The following KCNH1 variants were observed in gnomAD, a reference collection of about 807,000 sequenced individuals.
KCNH1 encodes the protein voltage-gated delayed rectifier potassium channel KCNH1.
A neutral mutation model predicts 69.2 loss-of-function variants in KCNH1; 27 were observed. That is an observed-to-expected ratio of 0.39 (90% CI 0.29 to 0.54). The LOEUF is 0.54. KCNH1 is among the 20% of genes least tolerant of loss of function. The pLI, the probability that KCNH1 is intolerant of heterozygous loss-of-function variation, is 0.68. For missense variants in KCNH1, 798 were observed against 1,261.6 expected, an observed-to-expected ratio of 0.63 and a Z score of 5.57; for synonymous variants, 456 against 487.7, an observed-to-expected ratio of 0.93 and a Z score of 0.86.
intron 9 of KCNH1, among the ~76,000 whole-genome samples, chr1:210,789,366 T>C (rs1684171041): frequency 1.3e-5 from 2 of 152,230 alleles, no homozygotes; most frequent in African/African-American, 2.4e-5. Context: ...CTTTAGATCT[T>C]TGTCAGATAA....
chr1:210,927,905 T>C (rs1687605551), intron 6 of KCNH1, among the ~76,000 whole-genome samples: 1 of 151,314 alleles, frequency 6.6e-6, no homozygotes, highest in Non-Finnish European at 1.5e-5. Flanking sequence ...TGAGCAGGAG[T>C]GGCTATTCTT....
chr1:210,784,435 G>A (rs978733845), intron 9 of KCNH1, among the ~76,000 whole-genome samples: 2 of 152,198 alleles, frequency 1.3e-5, no homozygotes, highest in African/African-American at 2.4e-5. Flanking sequence ...GTTTTCGCAT[G>A]TAAGTAGTGA....
chr1:211,005,879 C>A (rs1689271752), intron 6 of KCNH1, among the ~76,000 whole-genome samples: 1 of 152,076 alleles, frequency 6.6e-6, no homozygotes. Context: ...TAAAGAACTT[C>A]TACAAATCAA....
At chr1:210,783,775 TAA>T (rs1003205276) in intron 9 of KCNH1, among the ~76,000 whole-genome samples, 2 of 152,184 alleles carry the variant, frequency 1.3e-5, no homozygotes, top group Non-Finnish European at 2.9e-5. Flanking sequence ...AAGAGGAGAA[TAA>T]GCTTCCATCT....
chr1:210,804,257 C>A, intron 7 of KCNH1, 91 bp from the exon 8 acceptor site: 1 of 1,103,590 alleles, frequency 9.1e-7, no homozygotes, highest in Non-Finnish European at 1.3e-6. Context: ...TCAGAGTAGG[C>A]CAATGGCCAG....
chr1:210,821,803 T>C (rs1268014367), intron 7 of KCNH1, among the ~76,000 whole-genome samples: 1 of 18,918 alleles, frequency 5.3e-5, no homozygotes, highest in Non-Finnish European at 1.6e-4. Flanking sequence ...TAACTCCAGC[T>C]ATTTATTTAT....
In KCNH1 at chr1:210,829,424, C is replaced by A. The variant is rs139672110; in HGVS notation, c.1463-25258G>T. Among the ~76,000 whole-genome samples, 1,383 of 152,112 alleles carry A rather than the reference C, an allele frequency of 9.1e-3. 5 individuals are homozygous for A. Among genetic ancestry groups the A allele is most frequent in the Non-Finnish European group, 0.015 (1,018 of 67,978 alleles). On this transcript the variant is annotated intron_variant, in intron 7 of 10. Transcript: ENST00000271751. ...GGCTGGCTGCCTTTTCATGTGCCCC[C>A]CTACAGAGTCTATTATCAACAGAGC...
At position 210,679,761 on chromosome 1, in the gene KCNH1, G is replaced by A. The variant is rs1237159191; in HGVS notation, c.*3520C>T. 1 of 152,176 alleles carries A rather than the reference G, an allele frequency of 6.6e-6. No homozygotes were observed. The highest frequency in any genetic ancestry group is 6.5e-5 in the Admixed American group (1 of 15,284). The allele number at this position is 152,176 out of a possible 1,614,324, so 9.4% of individuals were successfully genotyped here. A position where few individuals can be genotyped will look rare whatever the true frequency, so the allele number is the denominator to read the frequency against. On this transcript the variant is annotated 3_prime_UTR_variant, in exon 11 of 11. Transcript: ENST00000271751. Reference sequence around the variant, plus strand: ...ATGTTTGGCCAACAGCAGCACACTGGATCGAAGAGGTTGTGGGTAAAACAG... The same window carrying A: ...ATGTTTGGCCAACAGCAGCACACTGAATCGAAGAGGTTGTGGGTAAAACAG...
At chr1:210,829,309 G>A (rs895960186) in intron 7 of KCNH1, among the ~76,000 whole-genome samples, 1 of 152,096 alleles carries the variant, frequency 6.6e-6, no homozygotes, top group African/African-American at 2.4e-5. Flanking sequence ...TTTCCCTATG[G>A]TAAGTTCTAG....
intron 1 of KCNH1, among the ~76,000 whole-genome samples, chr1:211,122,520 T>G (rs558729622): frequency 6.6e-6 from 1 of 152,302 alleles, no homozygotes. Flanking sequence ...TAAAGACACA[T>G]GCACATGCAT....
intron 10 of KCNH1, among the ~76,000 whole-genome samples, chr1:210,690,687 A>G (rs767915147): frequency 6.6e-6 from 1 of 152,198 alleles, no homozygotes; most frequent in Non-Finnish European, 1.5e-5. Context: ...ATCAAATGCT[A>G]CATTTTCTCC....
chr1:210,753,916 T>A (rs113320275), intron 10 of KCNH1, among the ~76,000 whole-genome samples: 3,093 of 151,848 alleles, frequency 0.02, 106 homozygotes, highest in African/African-American at 0.07. Flanking sequence ...CTAATTTTTT[T>A]TTTTTTTTTT....
chr1:210,818,862 T>G (rs1684871380), intron 7 of KCNH1, among the ~76,000 whole-genome samples: 1 of 152,160 alleles, frequency 6.6e-6, no homozygotes, highest in Non-Finnish European at 1.5e-5. Flanking sequence ...AAAAATTATG[T>G]TTTCTCAGGT....
At chr1:210,840,386 T>C (rs943000360) in intron 7 of KCNH1, among the ~76,000 whole-genome samples, 2 of 151,990 alleles carry the variant, frequency 1.3e-5, no homozygotes, top group African/African-American at 4.8e-5. Context: ...AGAAAATATA[T>C]CATGAGGCAA....
intron 3 of KCNH1, among the ~76,000 whole-genome samples, chr1:211,095,231 A>C (rs1377862806): frequency 6.6e-6 from 1 of 152,244 alleles, no homozygotes; most frequent in Non-Finnish European, 1.5e-5. Context: ...GGAAAAACTG[A>C]GAAAAGTAAG....
intron 10 of KCNH1, among the ~76,000 whole-genome samples, chr1:210,745,882 G>A (rs1219296629): frequency 6.6e-6 from 1 of 152,192 alleles, no homozygotes; most frequent in East Asian, 1.9e-4. Context: ...CCTGTGGTGG[G>A]TGGTAGCAGA....
intron 10 of KCNH1, among the ~76,000 whole-genome samples, chr1:210,699,832 A>G (rs1039233094): frequency 2.6e-5 from 4 of 152,198 alleles, no homozygotes; most frequent in African/African-American, 9.6e-5. Flanking sequence ...GTGGACGCTG[A>G]GGCACCAAGG....
At chr1:210,869,706 T>TAC (rs1686196771) in intron 7 of KCNH1, among the ~76,000 whole-genome samples, 1 of 152,126 alleles carries the variant, frequency 6.6e-6, no homozygotes, top group South Asian at 2.1e-4. Flanking sequence ...AAGTAGACTT[T>TAC]ACTCTAGGGC....
At chr1:210,901,868 G>A (rs147086121) in intron 7 of KCNH1, among the ~76,000 whole-genome samples, 4 of 152,300 alleles carry the variant, frequency 2.6e-5, no homozygotes, top group African/African-American at 7.2e-5. Flanking sequence ...GAGCTTCTTG[G>A]GGTAGGGACA....
Sources: gnomAD v4.1 joint callset for allele counts (sites outside exome capture counted in the v4.1 genomes callset) on GRCh38, gnomAD v4.1.1 for gene constraint, MANE v1.5 for transcripts, NCBI Gene and HGNC (gene_info 2026-07-23, HGNC 2026-07-21) for gene names.